Variants in ETV6 observed in about 807,000 individuals in gnomAD.
ETV6 encodes the protein ETS variant transcription factor 6, also known as transcription factor ETV6.
A neutral mutation model predicts 51.1 loss-of-function variants in ETV6; 16 were observed. The observed-to-expected ratio is 0.31, with a 90% CI of 0.21 to 0.48. The LOEUF is 0.48. ETV6 is among the 20% of genes least tolerant of loss of function. The pLI, the probability that ETV6 is intolerant of heterozygous loss-of-function variation, is 0.99. For synonymous variants in ETV6, 240 were observed against 224.1 expected (o/e 1.07, Z -0.64); for missense variants, 458 against 594.8 (o/e 0.77, Z 2.39).
At chr12:11,851,394 C>G (rs752927722) in intron 3 of ETV6, among the ~76,000 whole-genome samples, 27 of 152,046 alleles carry the variant, frequency 1.8e-4, no homozygotes, top group Non-Finnish European at 5.9e-5. Flanking sequence ...CCAAAAGAAA[C>G]AAAGTGTTGA....
chr12:11,892,033 T>A lies in ETV6; in HGVS notation c.*987T>A, dbSNP rs1030893504. ...TGGGATTAGCTTGGGAGCGCAGCGC[T>A]GCAAAGTGGAAAATATGAAAAGACC... On this transcript the variant is annotated 3_prime_UTR_variant, in exon 8 of 8. Transcript: ENST00000396373. 1 of 232,746 alleles carries A rather than the reference T, an allele frequency of 4.3e-6. No individual in the cohort carries two copies. The highest frequency in any genetic ancestry group is 8.5e-6 in the Non-Finnish European group (1 of 118,150). 14.4% of individuals were successfully genotyped at this position (232,746 alleles called of 1,614,324 possible). A position where few individuals can be genotyped will look rare whatever the true frequency, so the allele number is the denominator to read the frequency against.
At position 11,764,376 on chromosome 12, in the gene ETV6, G is replaced by T. The variant is rs539293328; in HGVS notation, c.163+11797G>T. On this transcript the variant is annotated intron_variant, in intron 2 of 7. Transcript: ENST00000396373. ...GCTCTGAGGCCAGGATGAGCAGTCT[G>T]CTACTTACTGTGCGTGGCCATTGCT... is the stretch of plus-strand genomic sequence containing the variant. 7.3e-4 allele frequency among the ~76,000 whole-genome samples: 111 copies of T among 152,208 alleles called. 1 individual carries two copies. Among genetic ancestry groups the T allele is most frequent in the Non-Finnish European group, 1.3e-3 (89 of 68,040 alleles).
At chr12:11,824,099 C>G (rs987028866) in intron 2 of ETV6, among the ~76,000 whole-genome samples, 2 of 152,232 alleles carry the variant, frequency 1.3e-5, no homozygotes, top group East Asian at 3.8e-4. Flanking sequence ...CTCTGTGTTT[C>G]CCAGCATGAA....
At position 11,894,038 on chromosome 12, in the gene ETV6, AC is replaced by A; in HGVS notation, c.*2994del. 4.4e-6 allele frequency: 1 copy of A among 226,626 alleles called. No homozygotes were observed. Among genetic ancestry groups the A allele is most frequent in the African/African-American group, 2.2e-5 (1 of 44,982 alleles). The allele number at this position is 226,626 out of a possible 1,614,324, so 14.0% of individuals were successfully genotyped here. A position where few individuals can be genotyped will look rare whatever the true frequency, so the allele number is the denominator to read the frequency against. ...ATGAGAAAACCCGGGTAGTGCCAGC[AC>A]CTGGATACAGTATTTACACCCTGCA... is the stretch of plus-strand genomic sequence containing the variant. On this transcript the variant is annotated 3_prime_UTR_variant, in exon 8 of 8. Coordinates refer to ENST00000396373, the MANE Select transcript of ETV6 (RefSeq NM_001987.5).
At chr12:11,743,532 G>A (rs1286250948) in intron 1 of ETV6, among the ~76,000 whole-genome samples, 1 of 152,134 alleles carries the variant, frequency 6.6e-6, no homozygotes, top group Non-Finnish European at 1.5e-5. Context: ...GGGCTGCCTA[G>A]AGCCTGGGCC....
intron 1 of ETV6, among the ~76,000 whole-genome samples, chr12:11,714,501 ATAAT>A (rs796615460): frequency 5.1e-4 from 78 of 152,268 alleles, no homozygotes; most frequent in African/African-American, 1.7e-3. Flanking sequence ...AATTAAGTAA[ATAAT>A]TCAGTATGAC....
chr12:11,870,029 C>T (rs1249162655), intron 5 of ETV6, 60 bp downstream of exon 5: 43 of 1,529,322 alleles, frequency 2.8e-5, no homozygotes, highest in Non-Finnish European at 3.8e-5. Flanking sequence ...GTCCCACTCT[C>T]CCCTGTGATC....
intron 2 of ETV6, among the ~76,000 whole-genome samples, chr12:11,789,325 G>C (rs757427393): frequency 1.3e-5 from 2 of 152,004 alleles, no homozygotes; most frequent in Non-Finnish European, 2.9e-5. Flanking sequence ...AGCCACGATC[G>C]TATTTCTTGT....
At position 11,825,403 on chromosome 12, in the gene ETV6, A is replaced by G. The variant is rs114268397; in HGVS notation, c.164-13737A>G. Among the ~76,000 whole-genome samples the G allele has an allele frequency of 8.6e-3, 1,308 of 152,324 alleles. 23 individuals are homozygous for G. Among genetic ancestry groups the G allele is most frequent in the African/African-American group, 0.03 (1,262 of 41,568 alleles). On this transcript the variant is annotated intron_variant, in intron 2 of 7. Coordinates refer to ENST00000396373, the MANE Select transcript of ETV6 (RefSeq NM_001987.5). ...AGTGACAAATATTGAAGAACGGCAA[A>G]GAAATTTCACCACGTGGATAATAGG...
At chr12:11,850,621 G>A (rs1946539151) in intron 3 of ETV6, among the ~76,000 whole-genome samples, 4 of 152,164 alleles carry the variant, frequency 2.6e-5, no homozygotes, top group African/African-American at 4.8e-5. Flanking sequence ...TTTGCCTCAC[G>A]CCATGATGAG....
intron 1 of ETV6, among the ~76,000 whole-genome samples, chr12:11,703,476 A>T (rs1278442847): frequency 6.9e-6 from 1 of 145,314 alleles, no homozygotes; most frequent in Admixed American, 6.8e-5. Context: ...CTTCAATATT[A>T]AAAAAAAAAA....
intron 2 of ETV6, among the ~76,000 whole-genome samples, chr12:11,806,842 A>G (rs1046827297): frequency 6.6e-6 from 1 of 152,250 alleles, no homozygotes; most frequent in African/African-American, 2.4e-5. Flanking sequence ...GGACAGCACC[A>G]AAAATCCTGC....
intron 5 of ETV6, among the ~76,000 whole-genome samples, chr12:11,871,097 G>A (rs901219875): frequency 2.0e-5 from 3 of 152,064 alleles, no homozygotes; most frequent in African/African-American, 4.8e-5. Flanking sequence ...CCCATGACCC[G>A]GTGAGAGCTC....
At chr12:11,778,909 T>G (rs529161827) in intron 2 of ETV6, among the ~76,000 whole-genome samples, 6 of 152,334 alleles carry the variant, frequency 3.9e-5, no homozygotes, top group African/African-American at 1.4e-4. Context: ...GGCTGCCCCC[T>G]TATTGTAGCT....
intron 1 of ETV6, among the ~76,000 whole-genome samples, chr12:11,678,172 G>A (rs1329479197): frequency 6.6e-6 from 1 of 152,122 alleles, no homozygotes; most frequent in Non-Finnish European, 1.5e-5. Flanking sequence ...AGAACTTTGG[G>A]CCAGAAAACA....
chr12:11,747,022 GGCA>G (rs1373781358), intron 1 of ETV6, among the ~76,000 whole-genome samples: 1 of 151,970 alleles, frequency 6.6e-6, no homozygotes, highest in Non-Finnish European at 1.5e-5. Flanking sequence ...CTAGAGAAAG[GGCA>G]CTCCTTAAGA....
At chr12:11,767,292 G>T (rs1945176599) in intron 2 of ETV6, among the ~76,000 whole-genome samples, 1 of 152,192 alleles carries the variant, frequency 6.6e-6, no homozygotes, top group South Asian at 2.1e-4. Flanking sequence ...ATTAGATTAT[G>T]ATTTCAGAGG....
chr12:11,829,086 A>G (rs975460679), intron 2 of ETV6, among the ~76,000 whole-genome samples: 2 of 151,954 alleles, frequency 1.3e-5, no homozygotes, highest in Admixed American at 6.6e-5. Flanking sequence ...CAAGATGACA[A>G]TTCAGTCCCC....
At chr12:11,811,115 G>A (rs115387086) in intron 2 of ETV6, among the ~76,000 whole-genome samples, 4,074 of 152,028 alleles carry the variant, frequency 0.027, 194 homozygotes, top group African/African-American at 0.093. Flanking sequence ...TGTGTTTTTT[G>A]TCTTCTCTAA....
Sources: allele counts gnomAD v4.1 joint callset (sites outside exome capture counted in the v4.1 genomes callset), GRCh38; gene constraint gnomAD v4.1.1; transcripts MANE v1.5; gene names NCBI Gene and HGNC (gene_info 2026-07-23, HGNC 2026-07-21).